The following OCLN variants were observed in gnomAD, a reference collection of about 807,000 sequenced individuals.
OCLN encodes the protein occludin.
Under a neutral mutation model 47.9 loss-of-function variants are expected in OCLN, and 21 were observed. That is an observed-to-expected ratio of 0.44 (90% CI 0.31 to 0.63). The LOEUF is 0.63. Among genes scored for constraint, OCLN ranks in the 30% least tolerant of loss-of-function variants. The pLI is 0.08. For synonymous variants in OCLN, 117 were observed against 198.4 expected (o/e 0.59, Z 3.45); for missense variants, 360 against 571.0 (o/e 0.63, Z 3.77).
intron 4 of OCLN, among the ~76,000 whole-genome samples, chr5:69,518,858 C>CG (rs1561342040): frequency 6.6e-6 from 1 of 152,048 alleles, no homozygotes; most frequent in South Asian, 2.1e-4. Context: ...ATGGCTGATT[C>CG]GGGGGGAAAA....
rs562186932 is a variant in OCLN at position 69,493,827 on chromosome 5, G to A, written c.-69+927G>A. 1.5e-4 allele frequency among the ~76,000 whole-genome samples: 23 copies of A among 152,332 alleles called. No homozygotes were observed. Among genetic ancestry groups the A allele is most frequent in the Admixed American group, 3.3e-4 (5 of 15,306 alleles). ...GAAGCGTGCGGGGAGCAGGGGTCGA[G>A]GGCCAAGATGGCCTCTGCGCCTAGG... On this transcript the variant is annotated intron_variant, in intron 1 of 8. Coordinates refer to ENST00000396442, the MANE Select transcript of OCLN (RefSeq NM_001205254.2). The surrounding 1 kb of genome is among the most constrained non-coding windows in gnomAD (Gnocchi z 5.3).
At chr5:69,496,069 G>C (rs1252376526) in intron 1 of OCLN, among the ~76,000 whole-genome samples, 1 of 151,490 alleles carries the variant, frequency 6.6e-6, no homozygotes, top group African/African-American at 2.4e-5. Flanking sequence ...TGTGCCTGTA[G>C]TCTAAATCAT....
chr5:69,520,714 G>T (rs1769113464), intron 4 of OCLN, among the ~76,000 whole-genome samples: 1 of 151,988 alleles, frequency 6.6e-6, no homozygotes, highest in African/African-American at 2.4e-5. Context: ...ACAGGGTGTA[G>T]CTCTGTCACC....
intron 4 of OCLN, among the ~76,000 whole-genome samples, chr5:69,530,249 G>T (rs1204980592): frequency 2.6e-5 from 4 of 151,980 alleles, no homozygotes; most frequent in African/African-American, 9.7e-5. Context: ...CTACATCATT[G>T]AGTTTTATGA....
At chr5:69,524,353 T>C (rs1173298032) in intron 4 of OCLN, among the ~76,000 whole-genome samples, 2 of 152,262 alleles carry the variant, frequency 1.3e-5, no homozygotes, top group African/African-American at 4.8e-5. Context: ...TACTTGCTTC[T>C]ACCTGCCCCC....
At chr5:69,510,979 C>A (rs559119455) in intron 3 of OCLN, among the ~76,000 whole-genome samples, 1 of 152,094 alleles carries the variant, frequency 6.6e-6, no homozygotes, top group African/African-American at 2.4e-5. Flanking sequence ...GATTTTGATT[C>A]GTATTTTCTT....
At chr5:69,497,272 G>A in intron 1 of OCLN, among the ~76,000 whole-genome samples, 1 of 151,646 alleles carries the variant, frequency 6.6e-6, no homozygotes, top group East Asian at 1.9e-4. Flanking sequence ...GGATAACAAA[G>A]ACAGCTCTTC....
At chr5:69,536,900 G>A (rs1351235875) in intron 5 of OCLN, among the ~76,000 whole-genome samples, 8 of 151,330 alleles carry the variant, frequency 5.3e-5, no homozygotes, top group Non-Finnish European at 1.2e-4. Flanking sequence ...CCCGGGAGGT[G>A]GAGCTCCCAG....
intron 1 of OCLN, among the ~76,000 whole-genome samples, chr5:69,498,543 A>G (rs1261102798): frequency 6.6e-6 from 1 of 152,052 alleles, no homozygotes; most frequent in Non-Finnish European, 1.5e-5. Flanking sequence ...CATTTATGCC[A>G]CCAATATAGT....
intron 4 of OCLN, among the ~76,000 whole-genome samples, chr5:69,533,819 AT>A (rs1474760160): frequency 6.6e-6 from 1 of 151,710 alleles, no homozygotes; most frequent in Non-Finnish European, 1.5e-5. Flanking sequence ...CGCCCAGCTA[AT>A]TTTTTTTGTG....
At chr5:69,499,045 T>C (rs1044986876) in intron 1 of OCLN, among the ~76,000 whole-genome samples, 2 of 152,126 alleles carry the variant, frequency 1.3e-5, no homozygotes, top group African/African-American at 4.8e-5. Flanking sequence ...TGTAGAATTG[T>C]GATATTGTAG....
In OCLN at chr5:69,553,751, A is replaced by G. The variant is rs980417982; in HGVS notation, c.*80A>G. 3.8e-6 allele frequency: 6 copies of G among 1,591,604 alleles called. No homozygotes were observed. In the African/African-American group the frequency reaches 8.1e-5, roughly 21 times the overall value. ...CTCAGAAGGCAAATGACTTTGGACC[A>G]TAACCCCGGAAGCCAAACCTCTGTG... On this transcript the variant is annotated 3_prime_UTR_variant, in exon 9 of 9. Transcript: ENST00000396442.
intron 1 of OCLN, among the ~76,000 whole-genome samples, chr5:69,498,645 A>G (rs1203221605): frequency 6.6e-6 from 1 of 151,938 alleles, no homozygotes; most frequent in Admixed American, 6.6e-5. Context: ...ATAGCTTTGT[A>G]TTTGCATATG....
At chr5:69,549,277 C>G (rs1769792653) in intron 7 of OCLN, among the ~76,000 whole-genome samples, 1 of 101,900 alleles carries the variant, frequency 9.8e-6, no homozygotes, top group Non-Finnish European at 1.8e-5. Flanking sequence ...GGAGGCGGAG[C>G]TTGCAGTGAG....
intron 4 of OCLN, among the ~76,000 whole-genome samples, chr5:69,532,584 AT>A (rs562856629): frequency 2.6e-5 from 4 of 151,648 alleles, no homozygotes; most frequent in Non-Finnish European, 4.4e-5. Flanking sequence ...TTTTTTTCCA[AT>A]TTTTTTTCTC....
chr5:69,503,823 CA>C (rs1768522484), intron 1 of OCLN, among the ~76,000 whole-genome samples: 1 of 152,106 alleles, frequency 6.6e-6, no homozygotes, highest in Admixed American at 6.6e-5. Context: ...GGTTACTTTG[CA>C]TTGAGGAGCT....
Position 69,514,350 on chromosome 5 carries a change from T to TA in OCLN, c.891+248dup, listed in dbSNP as rs138198653. Reference sequence around the variant, plus strand: ...CTTGGTTTTGAAAAGAAATGGCTTCTAAAAAAATCATGCAGAAAGAACTTG... The same window carrying TA: ...CTTGGTTTTGAAAAGAAATGGCTTCTAAAAAAAATCATGCAGAAAGAACTTG... On this transcript the variant is annotated intron_variant, in intron 4 of 8. Coordinates refer to ENST00000396442, the MANE Select transcript of OCLN (RefSeq NM_001205254.2). Among the ~76,000 whole-genome samples the TA allele has an allele frequency of 7.1e-3, 1,087 of 152,232 alleles. 18 individuals are homozygous for TA. The highest frequency in any genetic ancestry group is 0.025 in the African/African-American group (1,026 of 41,540).
chr5:69,532,383 C>T (rs1447974919), intron 4 of OCLN, among the ~76,000 whole-genome samples: 2 of 152,152 alleles, frequency 1.3e-5, no homozygotes, highest in African/African-American at 2.4e-5. Flanking sequence ...TACAAGCACA[C>T]GTACCAAACC....
intron 2 of OCLN, among the ~76,000 whole-genome samples, chr5:69,508,933 A>G (rs1768685135): frequency 6.6e-6 from 1 of 152,226 alleles, no homozygotes; most frequent in Non-Finnish European, 1.5e-5. Context: ...CAATACCCCC[A>G]AACAGAGATA....
Sources: allele counts gnomAD v4.1 joint callset (sites outside exome capture counted in the v4.1 genomes callset), GRCh38; gene constraint gnomAD v4.1.1; non-coding constraint Gnocchi (gnomAD v3.1); transcripts MANE v1.5; gene names NCBI Gene and HGNC (gene_info 2026-07-23, HGNC 2026-07-21).